Variants in PABPC4L observed in about 807,000 individuals in gnomAD.
PABPC4L encodes polyadenylate-binding protein 4-like.
For synonymous variants in PABPC4L, 169 were observed against 164.1 expected (o/e 1.03, Z -0.23); for missense variants, 452 against 451.4 (o/e 1.00, Z -0.01).
chr4:134,180,625 C>T, the PABPC4L span, among the ~76,000 whole-genome samples: 5 of 151,236 alleles, frequency 3.3e-5, no homozygotes, highest in Non-Finnish European at 5.9e-5. Flanking sequence ...GATAGATAGA[C>T]CTCTAGCTAG....
At chr4:134,037,703 C>T in the PABPC4L span, among the ~76,000 whole-genome samples, 1 of 152,092 alleles carries the variant, frequency 6.6e-6, no homozygotes, top group Admixed American at 6.6e-5. Context: ...ATTAAAAGCA[C>T]ATCAAGATAA....
chr4:134,149,787 G>C, the PABPC4L span, among the ~76,000 whole-genome samples: 2 of 152,118 alleles, frequency 1.3e-5, no homozygotes, highest in African/African-American at 4.8e-5. Context: ...TATGAATCCA[G>C]TATAGGTAAA....
chr4:134,089,315 C>A, the PABPC4L span, among the ~76,000 whole-genome samples: 1 of 152,022 alleles, frequency 6.6e-6, no homozygotes, highest in Admixed American at 6.6e-5. Flanking sequence ...AGACTTCCTA[C>A]GCTCACGCAC....
intron 1 of PABPC4L, 79 bp from the exon 2 acceptor site, chr4:134,201,324 C>G: frequency 7.6e-7 from 1 of 1,316,490 alleles, no homozygotes; most frequent in Non-Finnish European, 9.9e-7. Flanking sequence ...AAGTGGCGGG[C>G]TGGCCCTCCA....
At chr4:134,058,166 G>T in the PABPC4L span, among the ~76,000 whole-genome samples, 1 of 151,998 alleles carries the variant, frequency 6.6e-6, no homozygotes, top group Non-Finnish European at 1.5e-5. Flanking sequence ...ATTGTGAAAT[G>T]ATTGAGACTA....
the PABPC4L span, among the ~76,000 whole-genome samples, chr4:134,154,335 A>G: frequency 1.3e-5 from 2 of 152,220 alleles, no homozygotes; most frequent in East Asian, 3.9e-4. Context: ...GCATGCCTGT[A>G]GTCCCAGCTA....
the PABPC4L span, among the ~76,000 whole-genome samples, chr4:134,095,560 T>C: frequency 2.0e-5 from 3 of 152,002 alleles, no homozygotes; most frequent in Non-Finnish European, 4.4e-5. Flanking sequence ...TGATCACATA[T>C]TGCATCCTTG....
chr4:134,182,167 A>T, the PABPC4L span, among the ~76,000 whole-genome samples: 1 of 151,948 alleles, frequency 6.6e-6, no homozygotes, highest in Non-Finnish European at 1.5e-5. Flanking sequence ...AAGCCTAAGT[A>T]AAAAGAAAAA....
In PABPC4L at chr4:134,199,160, T is replaced by C. The variant is rs1729762196; in HGVS notation, c.*747A>G. 1 of 152,044 alleles carries C rather than the reference T, an allele frequency of 6.6e-6. No individual in the cohort carries two copies. 9.4% of individuals were successfully genotyped at this position (152,044 alleles called of 1,614,324 possible). ...TTGGATCACCTGAGTTGATAACAGA[T>C]TTATAACTTAAGGAATGTAGAAGTT... On this transcript the variant is annotated 3_prime_UTR_variant, in exon 2 of 2. Coordinates refer to ENST00000421491, the MANE Select transcript of PABPC4L (RefSeq NM_001114734.2).
At chr4:134,146,301 T>C in the PABPC4L span, among the ~76,000 whole-genome samples, 23 of 151,680 alleles carry the variant, frequency 1.5e-4, no homozygotes, top group Non-Finnish European at 3.4e-4. Context: ...AAATATAAAG[T>C]GAATAAAAGA....
At chr4:134,010,899 C>A in the PABPC4L span, among the ~76,000 whole-genome samples, 13 of 152,026 alleles carry the variant, frequency 8.6e-5, no homozygotes, top group African/African-American at 3.1e-4. Context: ...GTTTAGACAG[C>A]CCTTTAATAG....
chr4:134,050,577 C>A, the PABPC4L span, among the ~76,000 whole-genome samples: 1 of 151,676 alleles, frequency 6.6e-6, no homozygotes, highest in Non-Finnish European at 1.5e-5. Flanking sequence ...TGGTAGCAGG[C>A]GCCTGTAAAC....
the PABPC4L span, among the ~76,000 whole-genome samples, chr4:133,992,746 A>G: frequency 2.0e-5 from 3 of 152,210 alleles, no homozygotes; most frequent in Non-Finnish European, 4.4e-5. Context: ...TGCAATGTAC[A>G]ACAGAGAGCA....
chr4:134,185,458 G>T, the PABPC4L span, among the ~76,000 whole-genome samples: 1 of 152,218 alleles, frequency 6.6e-6, no homozygotes, highest in Middle Eastern at 3.4e-3. Flanking sequence ...CTCAATAGAT[G>T]CAGAAAAGGC....
At chr4:134,144,903 T>C in the PABPC4L span, among the ~76,000 whole-genome samples, 1 of 151,766 alleles carries the variant, frequency 6.6e-6, no homozygotes, top group Non-Finnish European at 1.5e-5. Context: ...TCCTTGTTTA[T>C]GATTTGTGAG....
chr4:134,111,571 C>G, the PABPC4L span, among the ~76,000 whole-genome samples: 9 of 151,830 alleles, frequency 5.9e-5, no homozygotes, highest in Non-Finnish European at 1.0e-4. Flanking sequence ...ATTGACCACA[C>G]AGAAAATCTT....
chr4:134,016,370 C>T, the PABPC4L span, among the ~76,000 whole-genome samples: 1 of 152,130 alleles, frequency 6.6e-6, no homozygotes, highest in Non-Finnish European at 1.5e-5. Flanking sequence ...TCAGTAATGC[C>T]TCTTTAATAA....
the PABPC4L span, among the ~76,000 whole-genome samples, chr4:134,056,659 G>T: frequency 6.6e-6 from 1 of 151,692 alleles, no homozygotes; most frequent in South Asian, 2.1e-4. Context: ...AAATCTTATT[G>T]TATTTTTTAA....
At chr4:134,145,455 A>G in the PABPC4L span, among the ~76,000 whole-genome samples, 1 of 151,898 alleles carries the variant, frequency 6.6e-6, no homozygotes, top group Non-Finnish European at 1.5e-5. Flanking sequence ...CCCTTCCCAC[A>G]CACAGACAAA....
Sources: gnomAD v4.1 joint callset for allele counts (sites outside exome capture counted in the v4.1 genomes callset) on GRCh38, gnomAD v4.1.1 for gene constraint, MANE v1.5 for transcripts, NCBI Gene and HGNC (gene_info 2026-07-23, HGNC 2026-07-21) for gene names.